Variants in SERINC5 observed in about 807,000 individuals in gnomAD.
SERINC5 encodes serine incorporator 5.
In SERINC5, 41 loss-of-function variants were observed where a neutral mutation model predicts 63.1. That is an observed-to-expected ratio of 0.65 (90% CI 0.51 to 0.84). The LOEUF (loss-of-function observed/expected upper bound fraction) is 0.84, where lower values mean the gene tolerates loss of function less well. SERINC5 is among the 40% of genes least tolerant of loss of function. The pLI is 0.00. For synonymous variants in SERINC5, 222 were observed against 215.2 expected (o/e 1.03, Z -0.28); for missense variants, 523 against 573.0 (o/e 0.91, Z 0.89).
chr5:80,219,664 CG>C (rs1188677131), intron 1 of SERINC5, among the ~76,000 whole-genome samples: 1 of 152,146 alleles, frequency 6.6e-6, no homozygotes, highest in African/African-American at 2.4e-5. Flanking sequence ...CCAGCTGCCT[CG>C]ATGGCACCAA....
At chr5:80,212,900 G>T (rs558724870) in intron 1 of SERINC5, among the ~76,000 whole-genome samples, 30 of 152,086 alleles carry the variant, frequency 2.0e-4, no homozygotes, top group South Asian at 1.0e-3. Context: ...GTTTATCTGG[G>T]GCTTACAGTG....
chr5:80,203,540 G>C (rs1397126469), intron 1 of SERINC5, among the ~76,000 whole-genome samples: 1 of 151,786 alleles, frequency 6.6e-6, no homozygotes, highest in Admixed American at 6.6e-5. Context: ...AGCCAGGCAT[G>C]GTGGCACAAA....
intron 1 of SERINC5, among the ~76,000 whole-genome samples, chr5:80,208,144 T>C (rs1750259630): frequency 6.6e-6 from 1 of 152,108 alleles, no homozygotes; most frequent in Non-Finnish European, 1.5e-5. Context: ...AGTTACAGCA[T>C]ATAAAAAACA....
At chr5:80,218,843 G>C (rs1313914156) in intron 1 of SERINC5, among the ~76,000 whole-genome samples, 1 of 151,888 alleles carries the variant, frequency 6.6e-6, no homozygotes, top group East Asian at 1.9e-4. Flanking sequence ...CCACATCACA[G>C]AAAGGGCTCA....
intron 1 of SERINC5, among the ~76,000 whole-genome samples, chr5:80,232,136 G>C (rs1283676355): frequency 6.6e-6 from 1 of 151,100 alleles, no homozygotes; most frequent in Admixed American, 6.6e-5. Flanking sequence ...CGGGCAAGGT[G>C]GCTCACGCCT....
At chr5:80,134,284 G>A (rs1483755788), downstream of SERINC5, among the ~76,000 whole-genome samples, 2 of 152,182 alleles carry the variant, frequency 1.3e-5, no homozygotes, top group East Asian at 3.9e-4. Flanking sequence ...TCAGGAGTTC[G>A]AGACCAGCCT....
downstream of SERINC5, among the ~76,000 whole-genome samples, chr5:80,135,750 G>A (rs538754269): frequency 2.0e-5 from 3 of 151,792 alleles, no homozygotes; most frequent in South Asian, 4.2e-4. Context: ...GAAGAGATGG[G>A]GGCAATGATA....
At chr5:80,255,159 T>A (rs972221685) in intron 1 of SERINC5, 1 of 152,232 alleles carries the variant, frequency 6.6e-6, no homozygotes, top group African/African-American at 2.4e-5. Context: ...TCTACACTGA[T>A]GCAGTAACTG....
At chr5:80,212,126 C>T (rs1041476842) in intron 1 of SERINC5, among the ~76,000 whole-genome samples, 20 of 152,188 alleles carry the variant, frequency 1.3e-4, no homozygotes, top group African/African-American at 3.9e-4. Flanking sequence ...TCTGGAAATA[C>T]AGGAGACCTA....
At chr5:80,158,600 A>G in intron 8 of SERINC5, 1 of 467,216 alleles carries the variant, frequency 2.1e-6, no homozygotes, top group Non-Finnish European at 3.8e-6. Context: ...AAAAACAAGT[A>G]AGGTAAACGA....
chr5:80,240,944 G>T (rs1486858549), intron 1 of SERINC5, among the ~76,000 whole-genome samples: 1 of 152,138 alleles, frequency 6.6e-6, no homozygotes, highest in African/African-American at 2.4e-5. Flanking sequence ...AAAGTGCTGG[G>T]ATTATAGGCA....
At chr5:80,169,947 G>A (rs911826308) in intron 5 of SERINC5, among the ~76,000 whole-genome samples, 1 of 152,154 alleles carries the variant, frequency 6.6e-6, no homozygotes, top group Non-Finnish European at 1.5e-5. Flanking sequence ...TCTGTGGCTG[G>A]TGCTCCCAAA....
At chr5:80,237,578 G>A (rs908822600) in intron 1 of SERINC5, among the ~76,000 whole-genome samples, 1 of 150,562 alleles carries the variant, frequency 6.6e-6, no homozygotes, top group Non-Finnish European at 1.5e-5. Flanking sequence ...CAAGTAATCC[G>A]CCCACCTCGG....
chr5:80,230,192 C>T (rs1751374214), intron 1 of SERINC5, among the ~76,000 whole-genome samples: 1 of 152,060 alleles, frequency 6.6e-6, no homozygotes, highest in African/African-American at 2.4e-5. Flanking sequence ...ACCTATTGGC[C>T]AGGCACGGTG....
intron 2 of SERINC5, among the ~76,000 whole-genome samples, chr5:80,189,546 C>T (rs1458606232): frequency 6.6e-6 from 1 of 152,234 alleles, no homozygotes; most frequent in Non-Finnish European, 1.5e-5. Context: ...CTGTGCTGCC[C>T]TGAGGTGAAC....
chr5:80,228,400 T>A (rs1751270861), intron 1 of SERINC5, among the ~76,000 whole-genome samples: 1 of 152,150 alleles, frequency 6.6e-6, no homozygotes, highest in Non-Finnish European at 1.5e-5. Context: ...GTAGTATGTA[T>A]AAAATTTGAA....
chr5:80,209,288 A>G (rs983066476), intron 1 of SERINC5, among the ~76,000 whole-genome samples: 8 of 152,306 alleles, frequency 5.3e-5, no homozygotes, highest in South Asian at 2.1e-4. Flanking sequence ...AAGGTATTTA[A>G]AAGTTAAATA....
At chr5:80,113,235 G>C (rs953417581) in intron 12 of SERINC5, among the ~76,000 whole-genome samples, 2 of 152,118 alleles carry the variant, frequency 1.3e-5, no homozygotes, top group Non-Finnish European at 2.9e-5. Context: ...TTTCCAGAAA[G>C]CTTCAACAAA....
rs1182604657 is a variant in SERINC5 at position 80,141,772 on chromosome 5, C to A, written c.*1891G>T. Reference sequence around the variant, plus strand: ...TTGCGACTCCAGATGAATCTTTTAACTGCTGAGTACAGAGCTCCTGCCCTA... The same window carrying A: ...TTGCGACTCCAGATGAATCTTTTAAATGCTGAGTACAGAGCTCCTGCCCTA... On this transcript the variant is annotated 3_prime_UTR_variant, in exon 12 of 12. Transcript: ENST00000507668. 57 of 985,412 alleles carry A rather than the reference C, an allele frequency of 5.8e-5. No homozygotes were observed. Among genetic ancestry groups the A allele is most frequent in the Non-Finnish European group, 6.6e-5 (55 of 829,944 alleles). 61.0% of individuals were successfully genotyped at this position (985,412 alleles called of 1,614,324 possible).
Sources: allele counts gnomAD v4.1 joint callset (sites outside exome capture counted in the v4.1 genomes callset), GRCh38; gene constraint gnomAD v4.1.1; transcripts MANE v1.5; gene names NCBI Gene and HGNC (gene_info 2026-07-23, HGNC 2026-07-21).